SCOC: variants seen among roughly 807,000 people sequenced by gnomAD.
SCOC encodes the protein short coiled-coil protein.
A neutral mutation model predicts 9.9 loss-of-function variants in SCOC; 7 were observed. That is an observed-to-expected ratio of 0.71 (90% CI 0.40 to 1.33). SCOC has a LOEUF of 1.33. Among genes scored for constraint, SCOC ranks in the 40% most tolerant of loss-of-function variants. SCOC has a pLI of 0.01. For synonymous variants in SCOC, 19 were observed against 28.2 expected (o/e 0.67, Z 1.03); for missense variants, 66 against 89.7 (o/e 0.74, Z 1.07).
chr4:140,316,392 T>C (rs775594884), intron 1 of SCOC, among the ~76,000 whole-genome samples: 2 of 152,214 alleles, frequency 1.3e-5, no homozygotes, highest in Non-Finnish European at 2.9e-5. Flanking sequence ...TTGTCTGTAA[T>C]GCCATTAACA....
In SCOC at chr4:140,384,727, A is replaced by G. The variant is rs1386690151; in HGVS notation, c.*3623A>G. 1 of 152,114 alleles carries G rather than the reference A, an allele frequency of 6.6e-6. No homozygotes were observed. The highest frequency in any genetic ancestry group is 6.5e-5 in the Admixed American group (1 of 15,276). The allele number at this position is 152,114 out of a possible 1,614,324, so 9.4% of individuals were successfully genotyped here. On this transcript the variant is annotated 3_prime_UTR_variant, in exon 4 of 4. Coordinates refer to ENST00000608372, the MANE Select transcript of SCOC (RefSeq NM_001153484.2). ...AATGGTTTTTCCTTTAATACTTCCT[A>G]GTTTACATGCTGGTAGAATAATGTT... is the stretch of plus-strand genomic sequence containing the variant.
rs930247366 is a variant in SCOC, at chr4:140,272,377, A to G, written c.-19+14967A>G. 1.4e-4 allele frequency among the ~76,000 whole-genome samples: 22 copies of G among 152,162 alleles called. 1 individual carries two copies. Among genetic ancestry groups the G allele is most frequent in the Admixed American group, 6.5e-5 (1 of 15,280 alleles). The stretch of plus-strand genomic sequence containing the variant: ...GCCTGTGTCATCACTTTTATACTTT[A>G]GTAGGGTCCAGATCACCAAGGGAGC... On this transcript the variant is annotated intron_variant, in intron 1 of 4. Transcript: ENST00000394205.
chr4:140,293,551 A>G, intron 1 of SCOC: 2 of 372,038 alleles, frequency 5.4e-6, no homozygotes, highest in African/African-American at 4.2e-5. Flanking sequence ...AATGGACCAC[A>G]GTGCAGTTTT....
intron 1 of SCOC, among the ~76,000 whole-genome samples, chr4:140,318,780 C>G (rs1043126011): frequency 6.6e-6 from 1 of 151,468 alleles, no homozygotes; most frequent in African/African-American, 2.4e-5. Flanking sequence ...CACATGCACA[C>G]GTATGTTTAT....
At chr4:140,344,375 C>T (rs1289455726) in intron 2 of SCOC, among the ~76,000 whole-genome samples, 6 of 152,090 alleles carry the variant, frequency 3.9e-5, no homozygotes, top group African/African-American at 1.2e-4. Context: ...GTTCCTTTAG[C>T]GCAATCATAG....
upstream of SCOC, among the ~76,000 whole-genome samples, chr4:140,371,560 C>A (rs1049906020): frequency 2.0e-5 from 3 of 152,220 alleles, no homozygotes; most frequent in Admixed American, 1.3e-4. Context: ...ACACTCCCAA[C>A]AGTAATGAAT....
At chr4:140,263,900 G>T (rs774429119) in intron 1 of SCOC, among the ~76,000 whole-genome samples, 3 of 152,196 alleles carry the variant, frequency 2.0e-5, no homozygotes, top group African/African-American at 4.8e-5. Flanking sequence ...TTCTGGGATT[G>T]TCTGGAGGTC....
rs1487485384 is a variant in SCOC at position 140,384,270 on chromosome 4, G to A, written c.*3166G>A. 6.6e-6 allele frequency: 1 copy of A among 152,140 alleles called. No individual in the cohort carries two copies. Among genetic ancestry groups the A allele is most frequent in the Non-Finnish European group, 1.5e-5 (1 of 68,024 alleles). 9.4% of individuals were successfully genotyped at this position (152,140 alleles called of 1,614,324 possible). Reference sequence around the variant, plus strand: ...CTTGTCATGTTAATGGTAAGCTAATGCTATATACTTAGTTTTTGCTATGCA... The same window carrying A: ...CTTGTCATGTTAATGGTAAGCTAATACTATATACTTAGTTTTTGCTATGCA... On this transcript the variant is annotated 3_prime_UTR_variant, in exon 4 of 4. Coordinates refer to ENST00000608372, the MANE Select transcript of SCOC (RefSeq NM_001153484.2).
chr4:140,378,999 T>C, intron 1 of SCOC, 122 bp from the exon 2 acceptor site: 1 of 658,392 alleles, frequency 1.5e-6, no homozygotes, highest in Non-Finnish European at 2.7e-6. Flanking sequence ...ATTTATTTTA[T>C]TCTTAGTAAA....
intron 1 of SCOC, among the ~76,000 whole-genome samples, chr4:140,273,161 G>A (rs1730887249): frequency 6.6e-6 from 1 of 152,126 alleles, no homozygotes; most frequent in Non-Finnish European, 1.5e-5. Context: ...TGAGCAGGTC[G>A]GCTGGAAAAC....
chr4:140,300,090 A>G (rs1454732350), intron 1 of SCOC, among the ~76,000 whole-genome samples: 1 of 152,172 alleles, frequency 6.6e-6, no homozygotes, highest in Non-Finnish European at 1.5e-5. Flanking sequence ...GGGAGCTGGG[A>G]AATCTCATTG....
At chr4:140,379,777 C>T (rs1447952130) in intron 3 of SCOC, 125 bp downstream of exon 3, 3 of 636,294 alleles carry the variant, frequency 4.7e-6, no homozygotes, top group Non-Finnish European at 5.6e-6. Context: ...AAAGTACACA[C>T]ATATATATAT....
chr4:140,277,719 G>A (rs1433750303), intron 1 of SCOC, among the ~76,000 whole-genome samples: 1 of 152,144 alleles, frequency 6.6e-6, no homozygotes, highest in African/African-American at 2.4e-5. Context: ...AAAAACAATA[G>A]GGGCATGCCC....
intron 1 of SCOC, among the ~76,000 whole-genome samples, chr4:140,263,969 A>G (rs1371720386): frequency 6.6e-6 from 1 of 152,168 alleles, no homozygotes; most frequent in Non-Finnish European, 1.5e-5. Flanking sequence ...AAGTCTCACA[A>G]ATGAAGAGGC....
At chr4:140,369,313 A>G (rs745772838), upstream of SCOC, 1 of 426,426 alleles carries the variant, frequency 2.3e-6, no homozygotes, top group Non-Finnish European at 4.6e-6. Flanking sequence ...TACTCACCAA[A>G]TTCAGAACAG....
At chr4:140,270,360 G>T (rs947675704) in intron 1 of SCOC, among the ~76,000 whole-genome samples, 2 of 152,040 alleles carry the variant, frequency 1.3e-5, no homozygotes, top group Non-Finnish European at 2.9e-5. Flanking sequence ...TAGAGACAGG[G>T]TCTTGCTTTA....
chr4:140,281,334 A>G (rs1731090710), intron 1 of SCOC, among the ~76,000 whole-genome samples: 3 of 152,214 alleles, frequency 2.0e-5, no homozygotes, highest in African/African-American at 7.2e-5. Context: ...GGGACACATC[A>G]GGTGTGCAGA....
At position 140,348,055 on chromosome 4, in the gene SCOC, T is replaced by C. The variant is rs1451016649; in HGVS notation, c.70+4347T>C. Among the ~76,000 whole-genome samples, 7 of 152,304 alleles carry C rather than the reference T, an allele frequency of 4.6e-5. No individual in the cohort carries two copies. The South Asian group carries it at 6.2e-4, about 14-fold the overall frequency. On this transcript the variant is annotated intron_variant, in intron 2 of 4. Transcript: ENST00000338517. ...TGTTTATGGTTTATGGTGTACATTA[T>C]ATATATAATGTAGTGGAACGGCCAC... is the stretch of plus-strand genomic sequence containing the variant.
intron 1 of SCOC, among the ~76,000 whole-genome samples, chr4:140,333,585 T>C (rs1732878548): frequency 6.6e-6 from 1 of 152,174 alleles, no homozygotes; most frequent in African/African-American, 2.4e-5. Context: ...TGACTGAATC[T>C]AGGTAACTTA....
Sources: gnomAD v4.1 joint callset for allele counts (sites outside exome capture counted in the v4.1 genomes callset) on GRCh38, gnomAD v4.1.1 for gene constraint, MANE v1.5 for transcripts, NCBI Gene and HGNC (gene_info 2026-07-23, HGNC 2026-07-21) for gene names.